The following SYT1 variants were observed in gnomAD, a reference collection of about 807,000 sequenced individuals.
SYT1 encodes the protein synaptotagmin-1.
In SYT1, 8 loss-of-function variants were observed where a neutral mutation model predicts 44.8. The observed-to-expected ratio is 0.18, with a 90% CI of 0.10 to 0.32. SYT1 has a LOEUF of 0.32. Ranked by LOEUF, SYT1 falls within the 10% of genes least tolerant of loss-of-function variation. The pLI is 1.00. For missense variants in SYT1, 286 were observed against 509.3 expected (o/e 0.56, Z 4.22); for synonymous variants, 154 against 188.8 (o/e 0.82, Z 1.51).
chr12:79,318,645 G>A (rs1881213621), intron 8 of SYT1, among the ~76,000 whole-genome samples: 1 of 152,214 alleles, frequency 6.6e-6, no homozygotes, highest in Non-Finnish European at 1.5e-5. Flanking sequence ...CAGAGGTTGA[G>A]ATTTGCCACA....
chr12:78,958,344 A>G (rs183591098), intron 1 of SYT1, among the ~76,000 whole-genome samples: 4 of 151,764 alleles, frequency 2.6e-5, no homozygotes, highest in African/African-American at 9.7e-5. Context: ...TCCCCTGTTT[A>G]TATAATTCTT....
intron 3 of SYT1, among the ~76,000 whole-genome samples, chr12:79,147,939 T>A (rs534350424): frequency 6.6e-6 from 1 of 152,294 alleles, no homozygotes; most frequent in East Asian, 1.9e-4. Flanking sequence ...TGATGCCACA[T>A]CTGGAGAACA....
At chr12:79,425,964 C>A (rs190976281) in intron 9 of SYT1, among the ~76,000 whole-genome samples, 82 of 152,166 alleles carry the variant, frequency 5.4e-4, no homozygotes, top group Non-Finnish European at 8.7e-4. Context: ...AATATTATGT[C>A]TACTCTCTTA....
chr12:79,195,705 A>G (rs962669570), intron 3 of SYT1, among the ~76,000 whole-genome samples: 2 of 152,210 alleles, frequency 1.3e-5, no homozygotes. Flanking sequence ...GTAATGATTT[A>G]GGAACAGATT....
intron 3 of SYT1, among the ~76,000 whole-genome samples, chr12:79,058,657 G>T (rs1008200745): frequency 4.0e-5 from 6 of 151,862 alleles, no homozygotes; most frequent in Non-Finnish European, 5.9e-5. Flanking sequence ...CTCACTTCCC[G>T]ACCCCCACAC....
chr12:79,078,739 G>C (rs1205724987), intron 3 of SYT1, among the ~76,000 whole-genome samples: 2 of 151,934 alleles, frequency 1.3e-5, no homozygotes, highest in Non-Finnish European at 2.9e-5. Flanking sequence ...TTCCCTCCAT[G>C]TGTCCATATG....
At chr12:79,315,330 C>T (rs993889012) in intron 8 of SYT1, among the ~76,000 whole-genome samples, 3 of 152,148 alleles carry the variant, frequency 2.0e-5, no homozygotes, top group African/African-American at 7.2e-5. Flanking sequence ...TTCACCTCAG[C>T]CTCCTGAGTA....
chr12:79,160,488 G>A (rs927550748), intron 3 of SYT1, among the ~76,000 whole-genome samples: 2 of 152,070 alleles, frequency 1.3e-5, no homozygotes, highest in Non-Finnish European at 2.9e-5. Context: ...ATAAATGAAA[G>A]GAGACAGATT....
chr12:79,319,785 TC>T (rs1368743071), intron 8 of SYT1, among the ~76,000 whole-genome samples: 1 of 152,170 alleles, frequency 6.6e-6, no homozygotes, highest in Non-Finnish European at 1.5e-5. Flanking sequence ...GTCCCTCTAT[TC>T]CCCATCCTTT....
intron 4 of SYT1, among the ~76,000 whole-genome samples, chr12:79,233,793 C>T (rs947388668): frequency 5.9e-5 from 9 of 152,218 alleles, no homozygotes; most frequent in Admixed American, 5.2e-4. Context: ...AAGGTACTTC[C>T]ATAAAAGCTT....
At chr12:78,890,356 A>G (rs1270710432) in intron 1 of SYT1, among the ~76,000 whole-genome samples, 2 of 151,830 alleles carry the variant, frequency 1.3e-5, no homozygotes. Context: ...AAGAAACAAC[A>G]GGGTGGGGAA....
At chr12:78,881,179 G>A (rs1057326565) in intron 1 of SYT1, among the ~76,000 whole-genome samples, 3 of 151,374 alleles carry the variant, frequency 2.0e-5, no homozygotes, top group South Asian at 2.1e-4. Context: ...TGCTTGGCTC[G>A]TCACAGTACT....
intron 3 of SYT1, among the ~76,000 whole-genome samples, chr12:79,055,928 T>C (rs1213981262): frequency 6.6e-6 from 1 of 152,038 alleles, no homozygotes; most frequent in East Asian, 1.9e-4. Context: ...TATATAGCAG[T>C]GACACCTTAA....
chr12:79,282,684 A>G lies in SYT1; in HGVS notation c.167-3103A>G, dbSNP rs377076183. On this transcript the variant is annotated intron_variant, in intron 4 of 10. Transcript: ENST00000261205. ...TATTAAAGAGACTTTAAAGCTAGAT[A>G]CAAATTTTTTCTCCGTATACATTTT... Among the ~76,000 whole-genome samples the G allele has an allele frequency of 7.2e-5, 11 of 152,108 alleles. No homozygotes were observed. The South Asian group carries it at 2.3e-3, about 31-fold the overall frequency.
chr12:79,223,872 C>T (rs1006387714), intron 4 of SYT1, among the ~76,000 whole-genome samples: 1 of 152,146 alleles, frequency 6.6e-6, no homozygotes, highest in Non-Finnish European at 1.5e-5. Flanking sequence ...TGCTAGGCTC[C>T]AAAGCAAAGT....
intron 9 of SYT1, among the ~76,000 whole-genome samples, chr12:79,411,469 C>T (rs1374593340): frequency 3.9e-5 from 6 of 152,112 alleles, no homozygotes; most frequent in Admixed American, 3.9e-4. Flanking sequence ...AAGGAGGCAA[C>T]ACCTAGTTTT....
At chr12:78,913,463 G>T (rs1206815534) in intron 1 of SYT1, among the ~76,000 whole-genome samples, 1 of 151,566 alleles carries the variant, frequency 6.6e-6, no homozygotes, top group Admixed American at 6.6e-5. Context: ...TTTTTCTCTA[G>T]ATCTCATAAT....
intron 10 of SYT1, among the ~76,000 whole-genome samples, chr12:79,445,990 C>CATATATAT (rs59721146): frequency 0.015 from 651 of 44,106 alleles, 28 homozygotes; most frequent in Non-Finnish European, 0.02. Flanking sequence ...AATCCAAAGA[C>CATATATAT]ATATATATAT....
intron 9 of SYT1, 44 bp from the exon 10 acceptor site, chr12:79,444,029 T>C: frequency 6.2e-7 from 1 of 1,601,042 alleles, no homozygotes; most frequent in Non-Finnish European, 8.5e-7. Flanking sequence ...ATCTAAAATA[T>C]GTGTCTCTGA....
Sources: gnomAD v4.1 joint callset for allele counts (sites outside exome capture counted in the v4.1 genomes callset) on GRCh38, gnomAD v4.1.1 for gene constraint, MANE v1.5 for transcripts, NCBI Gene and HGNC (gene_info 2026-07-23, HGNC 2026-07-21) for gene names.